SELENBP1: variants seen among roughly 807,000 people sequenced by gnomAD.
The protein encoded by SELENBP1 is selenium binding protein 1.
Under a neutral mutation model 61.0 loss-of-function variants are expected in SELENBP1, and 71 were observed. The observed-to-expected ratio is 1.16, with a 90% CI of 0.96 to 1.42. SELENBP1 has a LOEUF of 1.42. SELENBP1 is among the 40% of genes most tolerant of loss of function. The probability of loss-of-function intolerance (pLI) is 0.00; values close to 1 mark genes in which losing one functional copy is unlikely to be tolerated. For synonymous variants in SELENBP1, 270 were observed against 238.9 expected (o/e 1.13, Z -1.20); for missense variants, 561 against 605.0 (o/e 0.93, Z 0.76).
At chr1:151,365,942 AG>A in intron 7 of SELENBP1, 96 bp from the exon 8 acceptor site, 1 of 1,323,284 alleles carries the variant, frequency 7.6e-7, no homozygotes, top group South Asian at 1.3e-5. Flanking sequence ...CAGACCTGGG[AG>A]GGAGAGAATA....
chr1:151,369,860 A>G, intron 1 of SELENBP1, 91 bp from the exon 2 acceptor site: 1 of 1,551,460 alleles, frequency 6.4e-7, no homozygotes, highest in South Asian at 1.2e-5. Context: ...CCAGCGGGCC[A>G]CGGCAGTGCG....
At chr1:151,364,836 C>T (rs576838085) in intron 11 of SELENBP1, 90 bp downstream of exon 11, 3 of 1,503,476 alleles carry the variant, frequency 2.0e-6, no homozygotes, top group South Asian at 1.2e-5. Context: ...TGGTGGGGTA[C>T]AGGGGTCTCC....
At chr1:151,366,561 G>A in intron 6 of SELENBP1, 108 bp from the exon 7 acceptor site, 1 of 1,426,238 alleles carries the variant, frequency 7.0e-7, no homozygotes, top group South Asian at 1.3e-5. Flanking sequence ...GGATTGGAGG[G>A]ATCAGGAAGA....
intron 3 of SELENBP1, 103 bp from the exon 4 acceptor site, chr1:151,369,292 T>G: frequency 6.8e-7 from 1 of 1,480,172 alleles, no homozygotes; most frequent in Non-Finnish European, 9.3e-7. Context: ...CGGCACAGGC[T>G]GGATTTCAGC....
In SELENBP1 at chr1:151,366,718, T is replaced by C. The variant is rs758836262; in HGVS notation, c.664+4A>G. 72 of 1,612,080 alleles carry C rather than the reference T, an allele frequency of 4.5e-5. No homozygotes were observed. In the African/African-American group the frequency reaches 9.0e-4, roughly 20 times the overall value. ...CTCCTGCTGGCACATGGGGGGATTCTCACCAGCCTCCACATCAGCGGGGTT... is the reference window on the plus strand; with the variant it reads ...CTCCTGCTGGCACATGGGGGGATTCCCACCAGCCTCCACATCAGCGGGGTT... On this transcript the variant is annotated splice_donor_region_variant and intron_variant, in intron 6 of 11. Transcript: ENST00000368868.
In SELENBP1 at chr1:151,364,758, C is replaced by T. The variant is rs897648045; in HGVS notation, c.1257-53G>A. 7.8e-6 allele frequency: 12 copies of T among 1,534,106 alleles called. 1 individual carries two copies. In the African/African-American group the frequency reaches 1.2e-4, roughly 16 times the overall value. ...AGAGGTCAGAGGTGGCTGCCCCCTT[C>T]CCCTAAGATTTTAGGGGAAAGCTCC... is the stretch of plus-strand genomic sequence containing the variant. On this transcript the variant is annotated intron_variant, in intron 11 of 11. Transcript: ENST00000368868.
intron 1 of SELENBP1, among the ~76,000 whole-genome samples, chr1:151,372,361 C>G (rs1372367490): frequency 1.3e-5 from 2 of 152,186 alleles, no homozygotes; most frequent in Non-Finnish European, 2.9e-5. Flanking sequence ...TGCAGAAAGG[C>G]ACCCTGGTCC....
chr1:151,370,075 G>C (rs968942641), intron 1 of SELENBP1: 9 of 1,263,934 alleles, frequency 7.1e-6, no homozygotes, highest in Non-Finnish European at 9.4e-6. Context: ...ACACGGACTC[G>C]GGGCCCAACC....
Position 151,368,253 on chromosome 1 carries a change from C to T in SELENBP1, c.427G>A (p.Ala143Thr), listed in dbSNP as rs1376017613. The change falls in exon 5 of 12, where the codon GCC becomes ACC. Residue 143 changes from alanine (A) to threonine (T), a missense_variant. Transcript: ENST00000368868. ...LAFLHTSHCL[A>T]SGEVMISSLG... ...GAGCTGATCATCACTTCCCCGCTGG[C>T]CAGGCAGTGGCTGGTGTGGAGAAAG... 67 of 1,614,062 alleles carry T rather than the reference C, an allele frequency of 4.2e-5. No individual in the cohort carries two copies. Among genetic ancestry groups the T allele is most frequent in the Non-Finnish European group, 5.3e-5 (63 of 1,180,034 alleles).
chr1:151,366,164 G>C (rs1271188065), intron 7 of SELENBP1, 111 bp downstream of exon 7: 3 of 1,293,046 alleles, frequency 2.3e-6, no homozygotes, highest in East Asian at 4.6e-5. Flanking sequence ...AGGGCATGCA[G>C]CCTCATTTTT....
Position 151,365,218 on chromosome 1 carries a change from T to G in SELENBP1, c.1108A>C (p.Lys370Gln). Reference protein sequence around the residue: ...PVQVLEDEELKSQPEPLVVKG... With the variant: ...PVQVLEDEELQSQPEPLVVKG... Reference sequence around the variant, plus strand: ...ACCACTAGGGGCTCTGGCTGGGACTTTAGTTCCTCGTCCTCCAGCACTTGC... The same window carrying G: ...ACCACTAGGGGCTCTGGCTGGGACTGTAGTTCCTCGTCCTCCAGCACTTGC... Residue 370 changes from lysine to glutamine, a missense_variant, in exon 10 of 12, where the codon AAG becomes CAG. Lys to Gln is a moderately conservative substitution (Grantham distance 53). Transcript: ENST00000368868. 1 of 1,613,790 alleles carries G rather than the reference T, an allele frequency of 6.2e-7. No homozygotes were observed. The highest frequency in any genetic ancestry group is 8.5e-7 in the Non-Finnish European group (1 of 1,179,886).
At chr1:151,366,607 C>A in intron 6 of SELENBP1, 115 bp downstream of exon 6, 1 of 1,414,120 alleles carries the variant, frequency 7.1e-7, no homozygotes, top group Non-Finnish European at 9.8e-7. Context: ...ACATCCTATG[C>A]CATCTCTCTT....
chr1:151,366,244 T>C, intron 7 of SELENBP1, 31 bp downstream of exon 7: 2 of 1,600,560 alleles, frequency 1.2e-6, no homozygotes, highest in Non-Finnish European at 1.7e-6. Flanking sequence ...ACAAGACTAC[T>C]GGGAGGGGAG....
Position 151,365,038 on chromosome 1 carries a change from GT to G in SELENBP1, c.1143del (p.Lys381AsnfsTer9). ...SQPEPLVVKG[K>X]RVAGGPQMIQ... ...ATCATCTGAGGGCCTCCAGCCACCC[GT>G]TTTCCCTTGGGAAAACCAGGGGTCA... On this transcript the variant is annotated frameshift_variant, in exon 11 of 12. Coordinates refer to ENST00000368868, the MANE Select transcript of SELENBP1 (RefSeq NM_003944.4). LOFTEE classifies it high-confidence loss of function. The G allele has an allele frequency of 6.2e-7, 1 of 1,606,252 alleles. No individual in the cohort carries two copies. The highest frequency in any genetic ancestry group is 8.5e-7 in the Non-Finnish European group (1 of 1,176,674).
At position 151,364,592 on chromosome 1, in the gene SELENBP1, T is replaced by C. The variant is rs1651696457; in HGVS notation, c.1370A>G (p.His457Arg). Residue 457 changes from histidine (H) to arginine (R), a missense_variant, in exon 12 of 12, where the codon CAT (histidine) becomes CGT (arginine). His to Arg is a conservative substitution (Grantham distance 29). Coordinates refer to ENST00000368868, the MANE Select transcript of SELENBP1 (RefSeq NM_003944.4). ...ATCGCCCCCAGGGTAGCGGAGCTCATGGGCAAGGGCTGGGCCAAGGGGCTC... is the reference window on the plus strand; with the variant it reads ...ATCGCCCCCAGGGTAGCGGAGCTCACGGGCAAGGGCTGGGCCAAGGGGCTC... ...GKEPLGPALA[H>R]ELRYPGGDCS... is the part of the protein sequence containing the mutation. The C allele has an allele frequency of 3.7e-6, 6 of 1,614,078 alleles. No homozygotes were observed. The highest frequency in any genetic ancestry group is 5.1e-6 in the Non-Finnish European group (6 of 1,179,984).
chr1:151,370,291 C>G (rs1652077934), intron 1 of SELENBP1: 1 of 198,286 alleles, frequency 5.0e-6, no homozygotes, highest in Non-Finnish European at 1.1e-5. Flanking sequence ...AGGAGCTGCT[C>G]TCAGGGAGTG....
intron 1 of SELENBP1, among the ~76,000 whole-genome samples, chr1:151,372,241 T>C (rs1045216534): frequency 6.6e-6 from 1 of 152,138 alleles, no homozygotes; most frequent in Non-Finnish European, 1.5e-5. Flanking sequence ...ACTCCCTACC[T>C]CGCTGGAGTA....
At chr1:151,366,560 G>A in intron 6 of SELENBP1, 107 bp from the exon 7 acceptor site, 1 of 1,432,174 alleles carries the variant, frequency 7.0e-7, no homozygotes, top group Non-Finnish European at 9.6e-7. Context: ...TGGATTGGAG[G>A]GATCAGGAAG....
chr1:151,366,240 C>T, intron 7 of SELENBP1, 35 bp downstream of exon 7: 1 of 1,597,926 alleles, frequency 6.3e-7, no homozygotes. Flanking sequence ...GCTGACAAGA[C>T]TACTGGGAGG....
Sources: gnomAD v4.1 joint callset for allele counts (sites outside exome capture counted in the v4.1 genomes callset) on GRCh38, gnomAD v4.1.1 for gene constraint, MANE v1.5 for transcripts, NCBI Gene and HGNC (gene_info 2026-07-23, HGNC 2026-07-21) for gene names.